The following SGCD variants were observed in gnomAD, a reference collection of about 807,000 sequenced individuals.
The protein encoded by SGCD is sarcoglycan delta, also known as delta-sarcoglycan.
Under a neutral mutation model 36.6 loss-of-function variants are expected in SGCD, and 18 were observed. That is an observed-to-expected ratio of 0.49 (90% confidence interval 0.34 to 0.73). SGCD has a LOEUF of 0.73. SGCD is among the 30% of genes least tolerant of loss of function. The pLI, the probability that SGCD is intolerant of heterozygous loss-of-function variation, is 0.01. For synonymous variants in SGCD, 133 were observed against 130.6 expected, an observed-to-expected ratio of 1.02 and a Z score of -0.12; for missense variants, 387 against 346.7, an observed-to-expected ratio of 1.12 and a Z score of -0.92.
At chr5:156,597,185 C>T (rs1403576827) in intron 6 of SGCD, among the ~76,000 whole-genome samples, 1 of 151,998 alleles carries the variant, frequency 6.6e-6, no homozygotes, top group Non-Finnish European at 1.5e-5. Flanking sequence ...ACAATGTTTT[C>T]CAGTGACCAA....
intron 7 of SGCD, among the ~76,000 whole-genome samples, chr5:156,746,834 C>A (rs1433745519): frequency 6.6e-6 from 1 of 151,748 alleles, no homozygotes; most frequent in Non-Finnish European, 1.5e-5. Flanking sequence ...CACAAAAGTA[C>A]TAAAAATTAC....
intron 3 of SGCD, among the ~76,000 whole-genome samples, chr5:156,155,613 G>GAAA (rs56154305): frequency 4.6e-5 from 6 of 131,150 alleles, no homozygotes; most frequent in Non-Finnish European, 8.0e-5. Flanking sequence ...CGTGGGCTAG[G>GAAA]AAAAAAAAAA....
chr5:156,392,995 A>T (rs952453475), intron 3 of SGCD, among the ~76,000 whole-genome samples: 1 of 152,214 alleles, frequency 6.6e-6, no homozygotes, highest in South Asian at 2.1e-4. Context: ...TTTGGGCAGA[A>T]AAACAAAAAT....
intron 7 of SGCD, among the ~76,000 whole-genome samples, chr5:156,678,217 C>G (rs1183697234): frequency 6.6e-6 from 1 of 152,160 alleles, no homozygotes; most frequent in Non-Finnish European, 1.5e-5. Flanking sequence ...GTCAAGTGCT[C>G]TCGTCACCAA....
chr5:156,612,066 A>G (rs1283852756), intron 6 of SGCD, among the ~76,000 whole-genome samples: 1 of 152,290 alleles, frequency 6.6e-6, no homozygotes, highest in South Asian at 2.1e-4. Context: ...CAGGAATTCT[A>G]TACATTTTAT....
At chr5:156,375,658 T>C (rs1770622860) in intron 3 of SGCD, among the ~76,000 whole-genome samples, 1 of 152,214 alleles carries the variant, frequency 6.6e-6, no homozygotes, top group South Asian at 2.1e-4. Context: ...TAAACAATTC[T>C]TTCCCCATGC....
In SGCD at chr5:156,653,493, C is replaced by CTTTTT. The variant is rs111458843; in HGVS notation, c.575+5968_575+5972dup. Among the ~76,000 whole-genome samples the CTTTTT allele has an allele frequency of 8.3e-5, 4 of 48,082 alleles. 1 individual carries two copies. Among genetic ancestry groups the CTTTTT allele is most frequent in the Non-Finnish European group, 1.2e-4 (3 of 24,960 alleles). The allele number at this position is 48,082 out of a possible 152,430, so 31.5% of individuals were successfully genotyped here. ...TTTTCTTACGTAATTCTAAAGCTTGCTTTTTTTTTTTTTTTGCCCCTGTTG... is the reference window on the plus strand; with the variant it reads ...TTTTCTTACGTAATTCTAAAGCTTGCTTTTTTTTTTTTTTTTTTTTGCCCCTGTTG... On this transcript the variant is annotated intron_variant, in intron 7 of 8. Coordinates refer to ENST00000337851, the MANE Select transcript of SGCD (RefSeq NM_000337.6).
intron 1 of SGCD, 35 bp from the exon 2 acceptor site, chr5:156,329,499 A>C (rs1767965580): frequency 6.8e-7 from 1 of 1,468,402 alleles, no homozygotes; most frequent in East Asian, 2.3e-5. Flanking sequence ...CAGGCTCTTC[A>C]GACCTTATTT....
chr5:156,241,902 C>T (rs1248592176), intron 3 of SGCD, among the ~76,000 whole-genome samples: 3 of 152,118 alleles, frequency 2.0e-5, no homozygotes, highest in Non-Finnish European at 4.4e-5. Flanking sequence ...AGGGAGCTAT[C>T]CATGCTTGGG....
intron 3 of SGCD, among the ~76,000 whole-genome samples, chr5:156,249,731 AG>A (rs1224101116): frequency 6.6e-6 from 1 of 151,716 alleles, no homozygotes; most frequent in Non-Finnish European, 1.5e-5. Context: ...AAAAAAAAAA[AG>A]TGTGTGTATT....
chr5:156,304,145 T>C (rs1767135738), intron 3 of SGCD, among the ~76,000 whole-genome samples: 1 of 152,286 alleles, frequency 6.6e-6, no homozygotes, highest in Non-Finnish European at 1.5e-5. Context: ...TTCTGATTGC[T>C]GAGATGGGTA....
intron 1 of SGCD, among the ~76,000 whole-genome samples, chr5:156,091,601 G>T (rs1386872322): frequency 2.0e-5 from 3 of 152,180 alleles, no homozygotes; most frequent in Non-Finnish European, 4.4e-5. Context: ...CAGCCTCCTG[G>T]AATAGACTGC....
chr5:156,259,943 A>G (rs547968757), intron 3 of SGCD, among the ~76,000 whole-genome samples: 6 of 152,294 alleles, frequency 3.9e-5, no homozygotes, highest in Non-Finnish European at 8.8e-5. Flanking sequence ...CCACAGCTGT[A>G]AGAAATAAAT....
chr5:156,097,677 TTGTCAGATGA>T (rs1488128779), intron 1 of SGCD, among the ~76,000 whole-genome samples: 8 of 152,226 alleles, frequency 5.3e-5, no homozygotes, highest in Admixed American at 4.6e-4. Flanking sequence ...CTTTCATATC[TTGTCAGATGA>T]TTAACATTCA....
At chr5:156,691,888 TA>T (rs1754124936) in intron 7 of SGCD, among the ~76,000 whole-genome samples, 1 of 152,214 alleles carries the variant, frequency 6.6e-6, no homozygotes, top group African/African-American at 2.4e-5. Context: ...TGTTCTTCAT[TA>T]TCCAAATCAA....
At chr5:155,844,115 G>GAA in the SGCD span, among the ~76,000 whole-genome samples, 6,388 of 150,222 alleles carry the variant, frequency 0.043, 180 homozygotes, top group Middle Eastern at 0.13. Flanking sequence ...TTCAAAAGGG[G>GAA]AAAAAAAAAC....
chr5:156,428,812 T>A (rs192451215), intron 3 of SGCD, among the ~76,000 whole-genome samples: 2 of 152,274 alleles, frequency 1.3e-5, no homozygotes, highest in East Asian at 3.9e-4. Flanking sequence ...CAAGAGCAGA[T>A]TATTTAATTT....
At chr5:155,983,820 C>T (rs1159305594) in intron 1 of SGCD, among the ~76,000 whole-genome samples, 1 of 152,158 alleles carries the variant, frequency 6.6e-6, no homozygotes, top group African/African-American at 2.4e-5. Context: ...TTAGTAATCC[C>T]TATGATTGTG....
At chr5:156,471,952 A>G (rs1345312863) in intron 3 of SGCD, among the ~76,000 whole-genome samples, 1 of 149,142 alleles carries the variant, frequency 6.7e-6, no homozygotes, top group African/African-American at 2.6e-5. Context: ...AAAGGGCAAA[A>G]GACTTAAACA....
Sources: gnomAD v4.1 joint callset for allele counts (sites outside exome capture counted in the v4.1 genomes callset) on GRCh38, gnomAD v4.1.1 for gene constraint, MANE v1.5 for transcripts, NCBI Gene and HGNC (gene_info 2026-07-23, HGNC 2026-07-21) for gene names.